Variants in GSDMB observed in about 807,000 individuals in gnomAD.
GSDMB encodes the protein gasdermin B, also known as gasdermin-B.
In GSDMB, 32 loss-of-function variants were observed where a neutral mutation model predicts 42.9. The observed-to-expected ratio is 0.75, with a 90% CI of 0.56 to 1.00. GSDMB has a LOEUF of 1.00. GSDMB is among the 50% of genes least tolerant of loss of function. GSDMB has a pLI of 0.00. For synonymous variants in GSDMB, 175 were observed against 193.7 expected (o/e 0.90, Z 0.80); for missense variants, 468 against 498.5 (o/e 0.94, Z 0.58).
chr17:39,911,915 G>C (rs944564144), intron 3 of GSDMB, among the ~76,000 whole-genome samples: 1 of 151,412 alleles, frequency 6.6e-6, no homozygotes, highest in Non-Finnish European at 1.5e-5. Context: ...TAGCCTGGCC[G>C]ACAGAGCGAG....
At chr17:39,912,948 A>C (rs1321827330) in intron 2 of GSDMB, among the ~76,000 whole-genome samples, 2 of 151,646 alleles carry the variant, frequency 1.3e-5, no homozygotes, top group Non-Finnish European at 2.9e-5. Context: ...TCTACTAAAA[A>C]ATACAAAAAG....
At chr17:39,906,389 A>G (rs1308950233) in intron 7 of GSDMB, 118 bp from the exon 8 acceptor site, 1 of 1,044,830 alleles carries the variant, frequency 9.6e-7, no homozygotes, top group Non-Finnish European at 1.4e-6. Context: ...CCCTTCTTCC[A>G]GTCTTTCCGT....
chr17:39,906,152 ACT>A lies in GSDMB; in HGVS notation c.845_846del (p.Lys282MetfsTer17). On this transcript the variant is annotated frameshift_variant, in exon 8 of 11. Coordinates refer to ENST00000418519, the MANE Select transcript of GSDMB (RefSeq NM_001165958.2). LOFTEE classifies it high-confidence loss of function. ...TGCCGAATATCCTCCTTGCCGAGGCACTTAGCGAGGGAGTTTAGCACATCTTT... is the reference window on the plus strand; with the variant it reads ...TGCCGAATATCCTCCTTGCCGAGGCATAGCGAGGGAGTTTAGCACATCTTT... ...KRKDVLNSLA[K>X]CLGKEDIRQD... 6.2e-7 allele frequency: 1 copy of A among 1,614,040 alleles called. No homozygotes were observed. The highest frequency in any genetic ancestry group is 8.5e-7 in the Non-Finnish European group (1 of 1,179,988).
intron 7 of GSDMB, chr17:39,906,644 A>G (rs997662261): frequency 7.9e-7 from 1 of 1,271,162 alleles, no homozygotes; most frequent in African/African-American, 1.5e-5. Context: ...CCTTGACTAC[A>G]TGAGAATCAC....
At position 39,908,152 on chromosome 17, in the gene GSDMB, CGG is replaced by C. The variant is rs772146581; in HGVS notation, c.700+22_700+23del. The C allele has an allele frequency of 2.2e-6, 3 of 1,358,564 alleles. No homozygotes were observed. The African/African-American group carries it at 4.3e-5, about 19-fold the overall frequency. The allele number at this position is 1,358,564 out of a possible 1,614,324, so 84.2% of individuals were successfully genotyped here. On this transcript the variant is annotated intron_variant, in intron 6 of 10. Coordinates refer to ENST00000418519, the MANE Select transcript of GSDMB (RefSeq NM_001165958.2). ...TCTTTGCCCATTCTGAAATGACGAA[CGG>C]GAAGCCCAGCAGCTCACTCACCTTC...
At position 39,906,995 on chromosome 17, in the gene GSDMB, G is replaced by A; in HGVS notation, c.701-8C>T. 1 of 1,613,962 alleles carries A rather than the reference G, an allele frequency of 6.2e-7. No homozygotes were observed. The highest frequency in any genetic ancestry group is 8.5e-7 in the Non-Finnish European group (1 of 1,179,878). ...ATGAAGCACCATCCTTCTCTGCAGA[G>A]AGAGGAAGAGTTATTTCAGAATCTT... On this transcript the variant is annotated splice_region_variant and splice_polypyrimidine_tract_variant and intron_variant, in intron 6 of 10. Coordinates refer to ENST00000418519, the MANE Select transcript of GSDMB (RefSeq NM_001165958.2).
intron 9 of GSDMB, 22 bp from the exon 10 acceptor site, chr17:39,905,518 T>C: frequency 6.3e-7 from 1 of 1,587,048 alleles, no homozygotes; most frequent in East Asian, 2.2e-5. Flanking sequence ...GAAAGAGTGG[T>C]AAAAAGGAGA....
At chr17:39,917,569 A>T in intron 1 of GSDMB, 1 of 438,458 alleles carries the variant, frequency 2.3e-6, no homozygotes. Flanking sequence ...CCCCACCCTG[A>T]TACAATATAG....
chr17:39,911,545 G>T (rs749712898), intron 3 of GSDMB, among the ~76,000 whole-genome samples: 1 of 152,104 alleles, frequency 6.6e-6, no homozygotes, highest in Non-Finnish European at 1.5e-5. Context: ...TGTGGCACTG[G>T]ATCGGTGCCA....
intron 1 of GSDMB, chr17:39,917,832 AG>A (rs1015888930): frequency 6.0e-6 from 1 of 167,076 alleles, no homozygotes; most frequent in African/African-American, 2.4e-5. Flanking sequence ...CATGAGGTCA[AG>A]GAAGAGCCAA....
intron 7 of GSDMB, 154 bp downstream of exon 7, chr17:39,906,807 G>C: frequency 6.7e-7 from 1 of 1,488,512 alleles, no homozygotes; most frequent in Non-Finnish European, 8.9e-7. Context: ...AGAGGAGACA[G>C]ATGCAGCCTC....
chr17:39,914,408 A>G (rs1361956278), intron 2 of GSDMB, among the ~76,000 whole-genome samples: 3 of 152,230 alleles, frequency 2.0e-5, no homozygotes, highest in African/African-American at 7.2e-5. Flanking sequence ...CATGACAACG[A>G]AATGTAATGT....
intron 3 of GSDMB, among the ~76,000 whole-genome samples, chr17:39,910,600 T>C (rs1309850899): frequency 1.3e-5 from 2 of 152,168 alleles, no homozygotes. Context: ...GATAGGCATC[T>C]GTGAAGCCCA....
rs980454557 is a variant in GSDMB, at chr17:39,909,865, T to C, written c.467A>G (p.Tyr156Cys). ...FRSINTRENLYLVTETLETVK... is the reference protein window; with the variant it reads ...FRSINTRENLCLVTETLETVK... ...CGTCTCCAGAGTTTCTGTCACCAGA[T>C]ACAGGTTTTCTCTCGTATTAATTGA... Residue 156 changes from tyrosine to cysteine, a missense_variant, in exon 4 of 11, where the codon TAT becomes TGT. By Grantham distance (194) the Tyr-to-Cys change is radical. Transcript: ENST00000418519. 8 of 1,613,598 alleles carry C rather than the reference T, an allele frequency of 5.0e-6. No homozygotes were observed. In the African/African-American group the frequency reaches 6.7e-5, roughly 13 times the overall value.
At chr17:39,916,206 G>T (rs2063706663) in intron 2 of GSDMB, among the ~76,000 whole-genome samples, 1 of 151,822 alleles carries the variant, frequency 6.6e-6, no homozygotes, top group South Asian at 2.1e-4. Context: ...ACCGACCTGG[G>T]AGATAACTTT....
At chr17:39,916,993 G>T (rs1160023198) in intron 2 of GSDMB, 89 bp downstream of exon 2, 3 of 822,412 alleles carry the variant, frequency 3.6e-6, no homozygotes, top group African/African-American at 3.4e-5. Flanking sequence ...GTTGTTGATT[G>T]GTTGATAACA....
chr17:39,905,388 TC>T, intron 10 of GSDMB, 37 bp downstream of exon 10: 1 of 1,421,812 alleles, frequency 7.0e-7, no homozygotes, highest in Non-Finnish European at 9.8e-7. Flanking sequence ...GGCATTCCCT[TC>T]CACTATGACC....
Position 39,904,854 on chromosome 17 carries a change from G to C in GSDMB, c.1209C>G (p.Ile403Met). 1 of 1,614,012 alleles carries C rather than the reference G, an allele frequency of 6.2e-7. No individual in the cohort carries two copies. The highest frequency in any genetic ancestry group is 1.1e-5 in the South Asian group (1 of 91,070). Residue 403 changes from isoleucine (I) to methionine (M), a missense_variant, in exon 11 of 11, where the codon ATC (isoleucine) becomes ATG (methionine). Transcript: ENST00000418519. ...TAGGCCCCTCAGCCAGCTCCAGCAG[G>C]ATAGAGACAACAACATACAGCGCAC... is the stretch of plus-strand genomic sequence containing the variant. ...ILCALYVVVS[I>M]LLELAEGPTS...
In GSDMB at chr17:39,908,955, T is replaced by C. The variant is rs766299879; in HGVS notation, c.661+3A>G. 3.8e-6 allele frequency: 6 copies of C among 1,587,164 alleles called. No homozygotes were observed. The highest frequency in any genetic ancestry group is 5.2e-6 in the Non-Finnish European group (6 of 1,158,442). Reference sequence around the variant, plus strand: ...ATCCTGTTCTCCATCTGCCTTTGCTTACTCATCGTCTCCTTGTTGGGGAAG... The same window carrying C: ...ATCCTGTTCTCCATCTGCCTTTGCTCACTCATCGTCTCCTTGTTGGGGAAG... On this transcript the variant is annotated splice_donor_region_variant and intron_variant, in intron 5 of 10. Coordinates refer to ENST00000418519, the MANE Select transcript of GSDMB (RefSeq NM_001165958.2).
Sources: allele counts gnomAD v4.1 joint callset (sites outside exome capture counted in the v4.1 genomes callset), GRCh38; gene constraint gnomAD v4.1.1; transcripts MANE v1.5; gene names NCBI Gene and HGNC (gene_info 2026-07-23, HGNC 2026-07-21).